ARHGAP18: variants seen among roughly 807,000 people sequenced by gnomAD.
ARHGAP18 encodes rho GTPase-activating protein 18.
Under a neutral mutation model 86.2 loss-of-function variants are expected in ARHGAP18, and 67 were observed. The ratio of observed to expected loss-of-function variants is 0.78; its 90% CI spans 0.64 to 0.95. ARHGAP18 has a LOEUF of 0.95. Among genes scored for constraint, ARHGAP18 ranks in the 40% least tolerant of loss-of-function variants. ARHGAP18 has a pLI of 0.00. For synonymous variants in ARHGAP18, 283 were observed against 280.4 expected, an observed-to-expected ratio of 1.01 and a Z score of -0.09; for missense variants, 691 against 780.4, an observed-to-expected ratio of 0.89 and a Z score of 1.37.
At chr6:129,613,615 C>T (rs1429826791) in intron 7 of ARHGAP18, among the ~76,000 whole-genome samples, 2 of 152,108 alleles carry the variant, frequency 1.3e-5, no homozygotes, top group African/African-American at 4.8e-5. Context: ...TATTTGAGTC[C>T]TTTTCATTAT....
chr6:129,664,067 A>G (rs1220662236), intron 1 of ARHGAP18, among the ~76,000 whole-genome samples: 12 of 152,258 alleles, frequency 7.9e-5, no homozygotes, highest in African/African-American at 2.9e-4. Flanking sequence ...CACCAATCCC[A>G]TCTGAAAGCT....
At chr6:129,675,435 A>G (rs1341035880) in intron 1 of ARHGAP18, among the ~76,000 whole-genome samples, 11 of 151,780 alleles carry the variant, frequency 7.2e-5, no homozygotes, top group Admixed American at 5.2e-4. Context: ...CGTTAGTTCA[A>G]TCTCACACTG....
At chr6:129,642,944 CT>C (rs904435319) in intron 1 of ARHGAP18, among the ~76,000 whole-genome samples, 22 of 152,056 alleles carry the variant, frequency 1.4e-4, no homozygotes, top group African/African-American at 4.8e-4. Flanking sequence ...TTCTGAATAG[CT>C]TGGAATTACC....
At chr6:129,620,872 T>A (rs1789213556) in intron 5 of ARHGAP18, among the ~76,000 whole-genome samples, 2 of 152,210 alleles carry the variant, frequency 1.3e-5, no homozygotes, top group Non-Finnish European at 2.9e-5. Flanking sequence ...TTTTACACTC[T>A]CATTCTCTCG....
chr6:129,694,564 T>C (rs72988815), intron 1 of ARHGAP18, among the ~76,000 whole-genome samples: 5,491 of 152,254 alleles, frequency 0.036, 152 homozygotes, highest in South Asian at 0.061. Flanking sequence ...TTCTAAAACA[T>C]ACACAACAAA....
chr6:129,665,988 C>CT (rs1484391936), intron 1 of ARHGAP18, among the ~76,000 whole-genome samples: 1 of 152,026 alleles, frequency 6.6e-6, no homozygotes, highest in Non-Finnish European at 1.5e-5. Context: ...TCTTTGCCTG[C>CT]TGCTAGTCTA....
At chr6:129,709,391 A>G (rs1774860869) in intron 1 of ARHGAP18, among the ~76,000 whole-genome samples, 1 of 152,210 alleles carries the variant, frequency 6.6e-6, no homozygotes, top group Non-Finnish European at 1.5e-5. Context: ...CTGCCTATAA[A>G]GTGATTTAAC....
chr6:129,657,072 C>T (rs567217917), intron 1 of ARHGAP18, among the ~76,000 whole-genome samples: 1 of 152,276 alleles, frequency 6.6e-6, no homozygotes, highest in East Asian at 1.9e-4. Context: ...GGGCCTTTTT[C>T]AGATTGGCTC....
At position 129,710,148 on chromosome 6, in the gene ARHGAP18, G is replaced by A. The variant is rs185923246; in HGVS notation, c.-12C>T. 836 of 1,598,220 alleles carry A rather than the reference G, an allele frequency of 5.2e-4. 2 individuals are homozygous for A. In the African/African-American group the frequency reaches 9.6e-3, roughly 18 times the overall value. On this transcript the variant is annotated 5_prime_UTR_variant, in exon 1 of 15. Transcript: ENST00000368149. The stretch of plus-strand genomic sequence containing the variant: ...GAGAGCCAGCTCATGGTGAGAGAAG[G>A]GACATACTTTCTGCGATCCTGACAC...
At chr6:129,705,002 C>G (rs1430763512) in intron 1 of ARHGAP18, among the ~76,000 whole-genome samples, 2 of 152,154 alleles carry the variant, frequency 1.3e-5, no homozygotes, top group African/African-American at 4.8e-5. Context: ...CACTCTCTAC[C>G]CACTATCTGC....
chr6:129,624,601 C>T (rs565590904), intron 5 of ARHGAP18, among the ~76,000 whole-genome samples: 58 of 151,958 alleles, frequency 3.8e-4, no homozygotes, highest in Middle Eastern at 3.4e-3. Context: ...TTAGGCCACA[C>T]TTGCATACTC....
chr6:129,618,792 C>T lies in ARHGAP18; in HGVS notation c.847G>A (p.Asp283Asn), dbSNP rs1175853139. The T allele has an allele frequency of 6.2e-7, 1 of 1,613,614 alleles. No individual in the cohort carries two copies. The highest frequency in any genetic ancestry group is 1.7e-5 in the Admixed American group (1 of 60,006). ...TTRIGDLAPQ[D>N]MKKVCHLALI... is the part of the protein sequence containing the mutation. ...GCTAAATGGCAAACTTTCTTCATGT[C>T]CTGGGGTGCGAGGTCACCAATCCTT... is the stretch of plus-strand genomic sequence containing the variant. Residue 283 changes from aspartate (D) to asparagine (N), a missense_variant, in exon 6 of 15, where the codon GAC (aspartate) becomes AAC (asparagine). Transcript: ENST00000368149.
At chr6:129,613,927 G>A (rs1200458039) in intron 7 of ARHGAP18, among the ~76,000 whole-genome samples, 5 of 151,860 alleles carry the variant, frequency 3.3e-5, no homozygotes, top group African/African-American at 1.2e-4. Context: ...TATGTGAATT[G>A]AAAAATGAAA....
At chr6:129,707,499 C>T (rs1224138161) in intron 1 of ARHGAP18, among the ~76,000 whole-genome samples, 1 of 151,978 alleles carries the variant, frequency 6.6e-6, no homozygotes, top group Non-Finnish European at 1.5e-5. Flanking sequence ...GACAGGGTCT[C>T]ACTCCCTCAC....
At chr6:129,599,668 G>A (rs946888190) in intron 11 of ARHGAP18, among the ~76,000 whole-genome samples, 3 of 152,086 alleles carry the variant, frequency 2.0e-5, no homozygotes, top group Non-Finnish European at 4.4e-5. Flanking sequence ...CTGAGGTGAC[G>A]AGCAGTAGAA....
chr6:129,661,803 C>T (rs1253072900), intron 1 of ARHGAP18: 1 of 911,470 alleles, frequency 1.1e-6, no homozygotes, highest in Non-Finnish European at 1.3e-6. Context: ...GTTCGGCCCT[C>T]CACCCTCAGC....
At chr6:129,618,117 A>C (rs72982659) in intron 6 of ARHGAP18, among the ~76,000 whole-genome samples, 10,172 of 152,160 alleles carry the variant, frequency 0.067, 416 homozygotes, top group South Asian at 0.1. Flanking sequence ...AAAAAACAAA[A>C]AAAAAAAACC....
chr6:129,640,181 A>C (rs1773425754), intron 2 of ARHGAP18, among the ~76,000 whole-genome samples: 1 of 152,222 alleles, frequency 6.6e-6, no homozygotes, highest in Non-Finnish European at 1.5e-5. Flanking sequence ...AAAATAAACA[A>C]GATTACTATG....
At chr6:129,623,381 A>C (rs1789273015) in intron 5 of ARHGAP18, among the ~76,000 whole-genome samples, 1 of 152,220 alleles carries the variant, frequency 6.6e-6, no homozygotes, top group South Asian at 2.1e-4. Flanking sequence ...GAGATATAAC[A>C]TGTATACACT....
Sources: gnomAD v4.1 joint callset for allele counts (sites outside exome capture counted in the v4.1 genomes callset) on GRCh38, gnomAD v4.1.1 for gene constraint, MANE v1.5 for transcripts, NCBI Gene and HGNC (gene_info 2026-07-23, HGNC 2026-07-21) for gene names.